COL4A2: variants seen among roughly 807,000 people sequenced by gnomAD.
COL4A2 encodes the protein collagen alpha-2(IV) chain.
In COL4A2, 99 loss-of-function variants were observed where a neutral mutation model predicts 200.2. The ratio of observed to expected loss-of-function variants is 0.49; its 90% CI spans 0.42 to 0.58. The LOEUF (loss-of-function observed/expected upper bound fraction) is 0.58, where lower values mean the gene tolerates loss of function less well. Among genes scored for constraint, COL4A2 ranks in the 20% least tolerant of loss-of-function variants. COL4A2 has a pLI of 0.00. For missense variants in COL4A2, 1,950 were observed against 2,314.1 expected (o/e 0.84, Z 3.23); for synonymous variants, 897 against 900.6 (o/e 1.00, Z 0.07).
At chr13:110,475,925 TCA>T (rs1230116636) in intron 29 of COL4A2, among the ~76,000 whole-genome samples, 2 of 152,226 alleles carry the variant, frequency 1.3e-5, no homozygotes, top group African/African-American at 4.8e-5. Flanking sequence ...AAAGAAATAA[TCA>T]CAAAGCACCT....
At chr13:110,408,651 T>C (rs1160239092) in intron 4 of COL4A2, among the ~76,000 whole-genome samples, 1 of 152,140 alleles carries the variant, frequency 6.6e-6, no homozygotes, top group Non-Finnish European at 1.5e-5. Context: ...GCCTTTCATA[T>C]GGTCGGGCGT....
chr13:110,395,483 C>T (rs1594189883), intron 4 of COL4A2, among the ~76,000 whole-genome samples: 1 of 152,232 alleles, frequency 6.6e-6, no homozygotes, highest in East Asian at 1.9e-4. Context: ...TCTCCACTCC[C>T]TGCCCCACTC....
At chr13:110,438,784 T>A in intron 15 of COL4A2, 116 bp downstream of exon 15, 1 of 1,218,952 alleles carries the variant, frequency 8.2e-7, no homozygotes, top group Non-Finnish European at 1.2e-6. Flanking sequence ...GTATAGAGAT[T>A]TCCCGTTATT....
At chr13:110,352,312 C>T (rs1424979420) in intron 3 of COL4A2, among the ~76,000 whole-genome samples, 3 of 152,218 alleles carry the variant, frequency 2.0e-5, no homozygotes, top group Non-Finnish European at 4.4e-5. Context: ...TCTCTGTGAA[C>T]AGGATAATGC....
intron 4 of COL4A2, among the ~76,000 whole-genome samples, chr13:110,360,353 T>A (rs746834716): frequency 6.6e-6 from 1 of 152,344 alleles, no homozygotes; most frequent in Non-Finnish European, 1.5e-5. Context: ...CATAGTAACA[T>A]TTTCCATAAT....
intron 29 of COL4A2, among the ~76,000 whole-genome samples, chr13:110,475,977 C>T (rs571722633): frequency 3.2e-4 from 49 of 152,368 alleles, no homozygotes; most frequent in Middle Eastern, 6.8e-3. Context: ...GCCGGAGGAT[C>T]GGGCATTCGT....
Position 110,308,048 on chromosome 13 carries a change from C to G in COL4A2, c.45-21C>G, listed in dbSNP as rs759027971. On this transcript the variant is annotated intron_variant, in intron 2 of 47. Transcript: ENST00000360467. ...GCCGGGCCCGCACGTTCACGTCTCT[C>G]TTCCTCCCTTTCCCATGCAGGTGGC... 4.3e-6 allele frequency: 7 copies of G among 1,613,686 alleles called. No homozygotes were observed. The South Asian group carries it at 7.7e-5, about 18-fold the overall frequency.
chr13:110,444,382 A>G (rs1881246661), intron 16 of COL4A2, among the ~76,000 whole-genome samples: 1 of 152,228 alleles, frequency 6.6e-6, no homozygotes, highest in African/African-American at 2.4e-5. Context: ...CTGAGTGTCC[A>G]GCTGCCAGCT....
Position 110,452,120 on chromosome 13 carries a change from T to TTTTGTTTGTTTGTTTG in COL4A2, c.1339+1682_1339+1697dup, listed in dbSNP as rs10686508. 6.9e-3 allele frequency among the ~76,000 whole-genome samples: 1,048 copies of TTTTGTTTGTTTGTTTG among 151,396 alleles called. 7 individuals are homozygous for TTTTGTTTGTTTGTTTG. Among genetic ancestry groups the TTTTGTTTGTTTGTTTG allele is most frequent in the African/African-American group, 0.023 (961 of 41,230 alleles). On this transcript the variant is annotated intron_variant, in intron 20 of 47. Coordinates refer to ENST00000360467, the MANE Select transcript of COL4A2 (RefSeq NM_001846.4). Reference sequence around the variant, plus strand: ...TTTCAGTAACAGGTCAAAGTCTCTGTTTTGTTTGTTTGTTTGTTTGTTTGT... The same window carrying TTTTGTTTGTTTGTTTG: ...TTTCAGTAACAGGTCAAAGTCTCTGTTTTGTTTGTTTGTTTGTTTGTTTGTTTGTTTGTTTGTTTGT...
chr13:110,382,598 A>G (rs1367098306), intron 4 of COL4A2, among the ~76,000 whole-genome samples: 1 of 152,248 alleles, frequency 6.6e-6, no homozygotes, highest in Admixed American at 6.5e-5. Context: ...CACAAAGTAA[A>G]TAAAATTGAA....
At position 110,477,999 on chromosome 13, in the gene COL4A2, G is replaced by A. The variant is rs1218880423; in HGVS notation, c.2426-4G>A. Reference sequence around the variant, plus strand: ...CCCACAGCTCTTGTCTCTGATTCCTGCAGGAAGCCAAGGGATGCCTGGGAT... The same window carrying A: ...CCCACAGCTCTTGTCTCTGATTCCTACAGGAAGCCAAGGGATGCCTGGGAT... On this transcript the variant is annotated splice_region_variant and splice_polypyrimidine_tract_variant and intron_variant, in intron 29 of 47. Coordinates refer to ENST00000360467, the MANE Select transcript of COL4A2 (RefSeq NM_001846.4). The A allele has an allele frequency of 6.4e-7, 1 of 1,553,802 alleles. No homozygotes were observed. The highest frequency in any genetic ancestry group is 8.7e-7 in the Non-Finnish European group (1 of 1,147,026).
chr13:110,365,502 G>A (rs979921950), intron 4 of COL4A2, among the ~76,000 whole-genome samples: 3 of 152,154 alleles, frequency 2.0e-5, no homozygotes, highest in South Asian at 2.1e-4. Flanking sequence ...TATGAACCTC[G>A]AGACTTTGTC....
At chr13:110,344,913 C>A (rs1594159504) in intron 3 of COL4A2, among the ~76,000 whole-genome samples, 2 of 152,092 alleles carry the variant, frequency 1.3e-5, no homozygotes, top group Admixed American at 6.6e-5. Context: ...AGGATTGCTA[C>A]CAATTTTATT....
chr13:110,501,463 G>A (rs979812065), intron 40 of COL4A2, among the ~76,000 whole-genome samples: 2 of 152,144 alleles, frequency 1.3e-5, no homozygotes, highest in Non-Finnish European at 2.9e-5. Context: ...TGGGGGAGGG[G>A]TTCACATAGC....
intron 40 of COL4A2, among the ~76,000 whole-genome samples, chr13:110,498,100 T>G (rs1252135668): frequency 6.6e-6 from 1 of 152,202 alleles, no homozygotes; most frequent in Non-Finnish European, 1.5e-5. Context: ...ACCTGTTGGG[T>G]TCTTGTTCTG....
chr13:110,474,900 ACACTCACGATCACACACATGCACATACC>A (rs1882642182), intron 29 of COL4A2, among the ~76,000 whole-genome samples: 1 of 128,946 alleles, frequency 7.8e-6, no homozygotes, highest in Non-Finnish European at 1.7e-5. Flanking sequence ...GTGCCTATGC[ACACTCACGATCACACACATGCACATACC>A]CACACACGTG....
At chr13:110,345,193 A>G (rs1291750532) in intron 3 of COL4A2, among the ~76,000 whole-genome samples, 2 of 152,182 alleles carry the variant, frequency 1.3e-5, no homozygotes, top group Admixed American at 6.5e-5. Context: ...AGGTGAGGGT[A>G]TGGAGGACAT....
intron 4 of COL4A2, among the ~76,000 whole-genome samples, chr13:110,423,261 CT>C (rs1289462228): frequency 8.1e-4 from 123 of 152,036 alleles, no homozygotes; most frequent in Admixed American, 3.0e-3. Flanking sequence ...TTCCCCTCCC[CT>C]CCTTTCTCAT....
chr13:110,444,101 T>C (rs772506351), intron 16 of COL4A2, among the ~76,000 whole-genome samples: 1 of 152,194 alleles, frequency 6.6e-6, no homozygotes, highest in Non-Finnish European at 1.5e-5. Flanking sequence ...TCCAGCTGCC[T>C]CAGAGGAATC....
Sources: gnomAD v4.1 joint callset for allele counts (sites outside exome capture counted in the v4.1 genomes callset) on GRCh38, gnomAD v4.1.1 for gene constraint, MANE v1.5 for transcripts, NCBI Gene and HGNC (gene_info 2026-07-23, HGNC 2026-07-21) for gene names.